Variants in PTPRT observed in about 807,000 individuals in gnomAD.
The protein encoded by PTPRT is protein tyrosine phosphatase receptor type T, also known as receptor-type tyrosine-protein phosphatase T.
A neutral mutation model predicts 176.8 loss-of-function variants in PTPRT; 56 were observed. That is an observed-to-expected ratio of 0.32 (90% CI 0.26 to 0.40). PTPRT has a LOEUF of 0.40. PTPRT is among the 10% of genes least tolerant of loss of function. The probability of loss-of-function intolerance (pLI) is 1.00; values close to 1 mark genes in which losing one functional copy is unlikely to be tolerated. For synonymous variants in PTPRT, 783 were observed against 739.0 expected, an observed-to-expected ratio of 1.06 and a Z score of -0.96; for missense variants, 1,540 against 1,908.2, an observed-to-expected ratio of 0.81 and a Z score of 3.60.
At chr20:42,392,775 A>C (rs904562726) in intron 9 of PTPRT, among the ~76,000 whole-genome samples, 3 of 152,172 alleles carry the variant, frequency 2.0e-5, no homozygotes, top group African/African-American at 7.2e-5. Context: ...AAGGACAGAA[A>C]AGGGCATGGG....
intron 6 of PTPRT, among the ~76,000 whole-genome samples, chr20:42,742,030 G>A (rs1228256870): frequency 6.6e-6 from 1 of 152,172 alleles, no homozygotes; most frequent in Non-Finnish European, 1.5e-5. Context: ...ATAAAAGGTG[G>A]CGGTCAGCTC....
At chr20:42,050,314 C>G in the PTPRT span, among the ~76,000 whole-genome samples, 1 of 152,162 alleles carries the variant, frequency 6.6e-6, no homozygotes, top group Non-Finnish European at 1.5e-5. Context: ...CAAATGCATA[C>G]TCTTGCCTAG....
chr20:43,102,694 G>A (rs891867141), intron 1 of PTPRT, among the ~76,000 whole-genome samples: 2 of 152,172 alleles, frequency 1.3e-5, no homozygotes, highest in Non-Finnish European at 2.9e-5. Context: ...TTATACCTTG[G>A]TGGGCAATTA....
intron 1 of PTPRT, among the ~76,000 whole-genome samples, chr20:43,182,712 T>G (rs77712524): frequency 6.6e-6 from 1 of 152,272 alleles, no homozygotes; most frequent in East Asian, 1.9e-4. Context: ...AAACATCTTT[T>G]AAGAGCAGCG....
intron 1 of PTPRT, among the ~76,000 whole-genome samples, chr20:43,029,917 C>G (rs968145208): frequency 2.0e-5 from 3 of 152,216 alleles, no homozygotes; most frequent in Admixed American, 6.5e-5. Flanking sequence ...GCTGTTGTAT[C>G]AGCCTAAGTA....
chr20:42,037,237 T>G, the PTPRT span, among the ~76,000 whole-genome samples: 7 of 152,214 alleles, frequency 4.6e-5, no homozygotes, highest in African/African-American at 1.7e-4. Context: ...ACAATGATGC[T>G]GTGTGGCAGT....
intron 1 of PTPRT, among the ~76,000 whole-genome samples, chr20:43,115,722 G>A (rs918291305): frequency 3.9e-5 from 6 of 152,164 alleles, no homozygotes; most frequent in African/African-American, 9.7e-5. Context: ...AAACACTGCC[G>A]TGGAGTGACT....
At chr20:43,001,889 A>G (rs1283934378) in intron 1 of PTPRT, among the ~76,000 whole-genome samples, 2 of 151,926 alleles carry the variant, frequency 1.3e-5, no homozygotes, top group Non-Finnish European at 2.9e-5. Context: ...CAAAAAAACA[A>G]ACAAAAAAAA....
At chr20:42,831,601 A>C (rs532570073) in intron 2 of PTPRT, among the ~76,000 whole-genome samples, 1 of 152,332 alleles carries the variant, frequency 6.6e-6, no homozygotes, top group African/African-American at 2.4e-5. Flanking sequence ...CAACCTACAT[A>C]ATGCGAGAAA....
chr20:42,686,281 G>T (rs2075689742), intron 6 of PTPRT: 1 of 151,978 alleles, frequency 6.6e-6, no homozygotes, highest in South Asian at 2.1e-4. Context: ...GCAAGCCCAG[G>T]TGTTACCACT....
intron 7 of PTPRT, among the ~76,000 whole-genome samples, chr20:42,520,565 C>T (rs913543807): frequency 6.6e-5 from 10 of 152,106 alleles, no homozygotes; most frequent in African/African-American, 2.4e-4. Flanking sequence ...TACTACTCTC[C>T]AATTTTCCCA....
At chr20:42,037,213 G>T in the PTPRT span, among the ~76,000 whole-genome samples, 1 of 152,202 alleles carries the variant, frequency 6.6e-6, no homozygotes, top group South Asian at 2.1e-4. Flanking sequence ...CATCACTTTT[G>T]TCTGTAGACA....
At chr20:42,942,728 C>T (rs913443532) in intron 1 of PTPRT, among the ~76,000 whole-genome samples, 5 of 152,182 alleles carry the variant, frequency 3.3e-5, no homozygotes, top group Admixed American at 6.5e-5. Flanking sequence ...TAGCAAGCGG[C>T]CAACTCTTCC....
rs1443928795 is a variant in PTPRT at position 42,098,517 on chromosome 20, C to T, written c.3750G>A (p.Gln1250=). ...HKQPAAFVVT[Q]HPLPNTVADF... ...CTGCCACGGTGTTGGGTAGAGGGTG[C>T]TGGGTGACCACGAAGGCGGCAGGCT... is the stretch of plus-strand genomic sequence containing the variant. The change falls in exon 27 of 31, where the codon CAG becomes CAA. Residue 1250 remains glutamine (Q), a synonymous_variant. Coordinates refer to ENST00000373187, the MANE Select transcript of PTPRT (RefSeq NM_007050.6). 6.2e-7 allele frequency: 1 copy of T among 1,614,196 alleles called. No individual in the cohort carries two copies. Among genetic ancestry groups the T allele is most frequent in the Non-Finnish European group, 8.5e-7 (1 of 1,180,032 alleles).
intron 6 of PTPRT, among the ~76,000 whole-genome samples, chr20:42,713,350 G>A (rs985064633): frequency 6.6e-6 from 1 of 152,108 alleles, no homozygotes; most frequent in Non-Finnish European, 1.5e-5. Context: ...CTGCCAGCCA[G>A]GGGTTGAATA....
At chr20:42,879,760 C>T (rs866085772) in intron 2 of PTPRT, among the ~76,000 whole-genome samples, 37 of 149,810 alleles carry the variant, frequency 2.5e-4, no homozygotes, top group East Asian at 2.0e-3. Context: ...TGTGTGTGCG[C>T]GTGTGTGTGT....
At chr20:42,340,765 T>C (rs1204524492) in intron 11 of PTPRT, among the ~76,000 whole-genome samples, 1 of 151,824 alleles carries the variant, frequency 6.6e-6, no homozygotes, top group Non-Finnish European at 1.5e-5. Flanking sequence ...GGTTATCAGC[T>C]GTGCAAGATC....
intron 9 of PTPRT, among the ~76,000 whole-genome samples, chr20:42,390,846 T>C (rs1253007184): frequency 6.6e-6 from 1 of 152,194 alleles, no homozygotes; most frequent in Non-Finnish European, 1.5e-5. Context: ...AATTTAAATT[T>C]AACCAAAGAA....
intron 7 of PTPRT, among the ~76,000 whole-genome samples, chr20:42,644,308 T>C (rs1318670480): frequency 1.3e-5 from 2 of 152,070 alleles, no homozygotes; most frequent in East Asian, 1.9e-4. Flanking sequence ...CCAAAACACA[T>C]GTCACTCTCT....
Sources: allele counts gnomAD v4.1 joint callset (sites outside exome capture counted in the v4.1 genomes callset), GRCh38; gene constraint gnomAD v4.1.1; transcripts MANE v1.5; gene names NCBI Gene and HGNC (gene_info 2026-07-23, HGNC 2026-07-21).